The following STARD13 variants were observed in gnomAD, a reference collection of about 807,000 sequenced individuals.
The protein encoded by STARD13 is StAR related lipid transfer domain containing 13, also known as stAR-related lipid transfer protein 13.
Under a neutral mutation model 106.4 loss-of-function variants are expected in STARD13, and 62 were observed. The observed-to-expected ratio is 0.58, with a 90% CI of 0.48 to 0.72. The LOEUF (loss-of-function observed/expected upper bound fraction) is 0.72, where lower values mean the gene tolerates loss of function less well. Among genes scored for constraint, STARD13 ranks in the 30% least tolerant of loss-of-function variants. The pLI, the probability that STARD13 is intolerant of heterozygous loss-of-function variation, is 0.00. For missense variants in STARD13, 1,387 were observed against 1,424.0 expected, an observed-to-expected ratio of 0.97 and a Z score of 0.42; for synonymous variants, 565 against 553.0, an observed-to-expected ratio of 1.02 and a Z score of -0.31.
chr13:33,401,009 G>A, the STARD13 span, among the ~76,000 whole-genome samples: 1 of 152,182 alleles, frequency 6.6e-6, no homozygotes, highest in Non-Finnish European at 1.5e-5. Flanking sequence ...GAGAATGACT[G>A]TAGATCCTTG....
intron 1 of STARD13, chr13:33,334,144 C>T (rs896398604): frequency 2.6e-5 from 4 of 152,194 alleles, no homozygotes; most frequent in African/African-American, 9.6e-5. Flanking sequence ...ATCAACAATT[C>T]ACCTTTTAGA....
chr13:33,667,516 G>C, the STARD13 span, among the ~76,000 whole-genome samples: 1 of 152,132 alleles, frequency 6.6e-6, no homozygotes, highest in African/African-American at 2.4e-5. Context: ...GTAGTTTTAG[G>C]TGCATTTGTG....
At chr13:33,241,815 G>T (rs1223187717) in intron 1 of STARD13, among the ~76,000 whole-genome samples, 2 of 152,178 alleles carry the variant, frequency 1.3e-5, no homozygotes, top group Non-Finnish European at 2.9e-5. Flanking sequence ...GTGCCGGGAT[G>T]GCAGACGGAG....
chr13:33,148,671 T>G (rs908824108), intron 3 of STARD13, among the ~76,000 whole-genome samples: 3 of 152,220 alleles, frequency 2.0e-5, no homozygotes, highest in Non-Finnish European at 4.4e-5. Flanking sequence ...GGCAGCTTCT[T>G]ACTGCCAAAT....
At chr13:33,458,382 C>G in the STARD13 span, among the ~76,000 whole-genome samples, 2 of 151,468 alleles carry the variant, frequency 1.3e-5, no homozygotes, top group Non-Finnish European at 2.9e-5. Flanking sequence ...ATGCCATTCT[C>G]CTGCTTCAGC....
chr13:33,564,854 A>AGG, the STARD13 span, among the ~76,000 whole-genome samples: 4 of 145,540 alleles, frequency 2.7e-5, no homozygotes, highest in Non-Finnish European at 4.5e-5. Flanking sequence ...TTAGCCGGGC[A>AGG]TGGTGGCACA....
the STARD13 span, among the ~76,000 whole-genome samples, chr13:33,520,696 C>CA: frequency 6.6e-6 from 1 of 151,944 alleles, no homozygotes; most frequent in South Asian, 2.1e-4. Context: ...TTTGTTCTTC[C>CA]AAAAATCCTT....
exon 1 of STARD13, chr13:33,350,394 G>C (rs1274376798): frequency 1.3e-6 from 2 of 1,533,606 alleles, no homozygotes; most frequent in Non-Finnish European, 1.7e-6. Context: ...CGTTTGGCAA[G>C]GTTTCCGTTT....
chr13:33,665,062 G>T, the STARD13 span, among the ~76,000 whole-genome samples: 8 of 152,234 alleles, frequency 5.3e-5, no homozygotes, highest in Non-Finnish European at 1.2e-4. Flanking sequence ...AGGAAGTGGA[G>T]ACCCTGTTAC....
the STARD13 span, among the ~76,000 whole-genome samples, chr13:33,499,534 C>T: frequency 1.6e-4 from 7 of 45,116 alleles, no homozygotes; most frequent in Non-Finnish European, 2.8e-4. Context: ...TCTTCTTCTT[C>T]TTCTTCTTCT....
intron 2 of STARD13, 82 bp from the exon 3 acceptor site, chr13:33,165,500 A>G: frequency 9.6e-7 from 1 of 1,042,742 alleles, no homozygotes; most frequent in Non-Finnish European, 1.5e-6. Context: ...AAGGTCTGTA[A>G]AAGCCACTGA....
the STARD13 span, among the ~76,000 whole-genome samples, chr13:33,552,142 G>A: frequency 1.3e-5 from 2 of 152,060 alleles, no homozygotes; most frequent in Non-Finnish European, 2.9e-5. Context: ...AGTACATGGA[G>A]CAATAAATCA....
the STARD13 span, among the ~76,000 whole-genome samples, chr13:33,599,648 A>C: frequency 2.6e-5 from 4 of 152,184 alleles, no homozygotes; most frequent in Non-Finnish European, 5.9e-5. Flanking sequence ...TTAGGTCAAA[A>C]GCAGCAAAAT....
At chr13:33,256,675 A>G (rs1890381470) in intron 1 of STARD13, among the ~76,000 whole-genome samples, 2 of 152,238 alleles carry the variant, frequency 1.3e-5, no homozygotes, top group Admixed American at 1.3e-4. Context: ...AATCAGTTCA[A>G]AATGACTGCA....
the STARD13 span, among the ~76,000 whole-genome samples, chr13:33,414,070 C>T: frequency 4.8e-5 from 7 of 144,420 alleles, no homozygotes; most frequent in African/African-American, 1.9e-4. Flanking sequence ...AAAGGAAACA[C>T]GTAAGATGCT....
intron 1 of STARD13, among the ~76,000 whole-genome samples, chr13:33,251,272 T>C (rs1890084375): frequency 6.6e-6 from 1 of 152,326 alleles, no homozygotes; most frequent in Non-Finnish European, 1.5e-5. Flanking sequence ...TCTTTCACTT[T>C]CAAGCCTGCC....
At chr13:33,519,584 C>A in the STARD13 span, among the ~76,000 whole-genome samples, 1 of 151,970 alleles carries the variant, frequency 6.6e-6, no homozygotes, top group Non-Finnish European at 1.5e-5. Context: ...AATCTCTTCC[C>A]CACTGCAAAA....
intron 1 of STARD13, among the ~76,000 whole-genome samples, chr13:33,321,366 C>T (rs1893552304): frequency 6.6e-6 from 1 of 152,058 alleles, no homozygotes; most frequent in Admixed American, 6.5e-5. Context: ...ATTAGCCAGA[C>T]ATGGTGGTAG....
chr13:33,125,970 G>C, intron 7 of STARD13, 111 bp downstream of exon 7: 1 of 1,140,780 alleles, frequency 8.8e-7, no homozygotes, highest in Middle Eastern at 2.9e-4. Flanking sequence ...TTTATTTTTG[G>C]TGAGGCATGT....
Sources: allele counts gnomAD v4.1 joint callset (sites outside exome capture counted in the v4.1 genomes callset), GRCh38; gene constraint gnomAD v4.1.1; transcripts MANE v1.5; gene names NCBI Gene and HGNC (gene_info 2026-07-23, HGNC 2026-07-21).